PRKN: variants seen among roughly 807,000 people sequenced by gnomAD.
The protein encoded by PRKN is parkin RBR E3 ubiquitin protein ligase, also known as E3 ubiquitin-protein ligase parkin.
Under a neutral mutation model 59.5 loss-of-function variants are expected in PRKN, and 56 were observed. The observed-to-expected ratio is 0.94, with a 90% confidence interval of 0.76 to 1.18. The LOEUF is 1.18. Among genes scored for constraint, PRKN ranks in the 50% most tolerant of loss-of-function variants. The pLI is 0.00. For synonymous variants in PRKN, 250 were observed against 222.1 expected, an observed-to-expected ratio of 1.13 and a Z score of -1.12; for missense variants, 657 against 596.4, an observed-to-expected ratio of 1.10 and a Z score of -1.06.
intron 4 of PRKN, among the ~76,000 whole-genome samples, chr6:162,064,472 T>G (rs1230921046): frequency 1.3e-5 from 2 of 152,194 alleles, no homozygotes; most frequent in African/African-American, 4.8e-5. Flanking sequence ...TTGGAAACAA[T>G]AGTCTGTGAT....
intron 1 of PRKN, among the ~76,000 whole-genome samples, chr6:162,551,145 C>T (rs752511481): frequency 3.9e-5 from 6 of 152,170 alleles, no homozygotes; most frequent in Non-Finnish European, 8.8e-5. Flanking sequence ...CACATACAAA[C>T]GAGATTCTAT....
At chr6:162,104,645 G>C (rs530394123) in intron 4 of PRKN, among the ~76,000 whole-genome samples, 1 of 152,262 alleles carries the variant, frequency 6.6e-6, no homozygotes, top group East Asian at 1.9e-4. Flanking sequence ...CAGCAGGCCA[G>C]GCGTGGACTC....
chr6:162,506,058 T>G (rs1170073820), intron 1 of PRKN, among the ~76,000 whole-genome samples: 1 of 152,050 alleles, frequency 6.6e-6, no homozygotes, highest in Non-Finnish European at 1.5e-5. Flanking sequence ...CTCCATTTGG[T>G]GCTGGGAGTG....
chr6:162,553,179 G>A (rs973332770), intron 1 of PRKN, among the ~76,000 whole-genome samples: 1 of 152,062 alleles, frequency 6.6e-6, no homozygotes, highest in Non-Finnish European at 1.5e-5. Context: ...GGAGAGAGGG[G>A]ACCAGCCAAA....
rs1256470516 is a variant in PRKN, at chr6:161,428,569, C to T, written c.1084-41692G>A. 2.6e-5 allele frequency among the ~76,000 whole-genome samples: 4 copies of T among 152,226 alleles called. No individual in the cohort carries two copies. Among genetic ancestry groups the T allele is most frequent in the African/African-American group, 9.6e-5 (4 of 41,454 alleles). On this transcript the variant is annotated intron_variant, in intron 9 of 11. Coordinates refer to ENST00000366898, the MANE Select transcript of PRKN (RefSeq NM_004562.3). The surrounding 1 kb of genome is among the most constrained non-coding windows in gnomAD (Gnocchi z 4.0). ...CATCTCTAAGTGTGTGGCATTGTGGCTGCCTTTGATTGTTTGGCGGTTTGC... is the reference window on the plus strand; with the variant it reads ...CATCTCTAAGTGTGTGGCATTGTGGTTGCCTTTGATTGTTTGGCGGTTTGC...
intron 3 of PRKN, among the ~76,000 whole-genome samples, chr6:162,243,735 A>T (rs1336559490): frequency 1.3e-5 from 2 of 152,184 alleles, no homozygotes; most frequent in African/African-American, 4.8e-5. Flanking sequence ...ACTAGCATCA[A>T]ATCCCACATC....
chr6:162,253,656 C>T (rs758332117), intron 3 of PRKN, among the ~76,000 whole-genome samples: 4 of 152,090 alleles, frequency 2.6e-5, no homozygotes, highest in Non-Finnish European at 5.9e-5. Context: ...GTCCACCTTT[C>T]CCCAAGATTG....
chr6:161,755,230 A>T lies in PRKN; in HGVS notation c.871+30542T>A, dbSNP rs114597907. Among the ~76,000 whole-genome samples, 516 of 152,150 alleles carry T rather than the reference A, an allele frequency of 3.4e-3. 6 individuals carry two copies. Among genetic ancestry groups the T allele is most frequent in the African/African-American group, 0.012 (490 of 41,524 alleles). On this transcript the variant is annotated intron_variant, in intron 7 of 11. Coordinates refer to ENST00000366898, the MANE Select transcript of PRKN (RefSeq NM_004562.3). ...GAGGTGCATGACAGAAAGCGTTTTG[A>T]TTCTTTTTATCATCCATACTCTCTG...
At chr6:162,100,150 A>T (rs1779907979) in intron 4 of PRKN, among the ~76,000 whole-genome samples, 1 of 152,222 alleles carries the variant, frequency 6.6e-6, no homozygotes, top group Non-Finnish European at 1.5e-5. Context: ...GTTTATAAAT[A>T]TAACACATTT....
intron 4 of PRKN, among the ~76,000 whole-genome samples, chr6:162,088,441 C>A (rs1166885710): frequency 6.6e-6 from 1 of 152,090 alleles, no homozygotes; most frequent in Non-Finnish European, 1.5e-5. Flanking sequence ...TTCTAAGCTA[C>A]TTGTTATATC....
chr6:162,454,803 C>A (rs79815540), intron 1 of PRKN, among the ~76,000 whole-genome samples: 4 of 152,234 alleles, frequency 2.6e-5, no homozygotes, highest in African/African-American at 9.6e-5. Flanking sequence ...ATCTCCCCCA[C>A]GGTGGCTCTG....
In PRKN at chr6:161,719,174, C is replaced by T. The variant is rs554633671; in HGVS notation, c.871+66598G>A. ...GTACGGATTGCCAACATTCTCGAGT[C>T]TCTCCTTCCAGAGATTTCCCTGTTG... On this transcript the variant is annotated intron_variant, in intron 7 of 11. Transcript: ENST00000366898. 7.2e-5 allele frequency among the ~76,000 whole-genome samples: 11 copies of T among 151,936 alleles called. No individual in the cohort carries two copies. In the South Asian group the frequency reaches 2.3e-3, roughly 32 times the overall value.
At chr6:162,719,456 ATCTG>A (rs1225890870) in intron 1 of PRKN, among the ~76,000 whole-genome samples, 1 of 152,110 alleles carries the variant, frequency 6.6e-6, no homozygotes, top group Non-Finnish European at 1.5e-5. Context: ...TTATTCTTAA[ATCTG>A]TCTAATTCTC....
chr6:162,154,108 A>G (rs192801633), intron 4 of PRKN, among the ~76,000 whole-genome samples: 20 of 152,186 alleles, frequency 1.3e-4, no homozygotes, highest in East Asian at 9.7e-4. Flanking sequence ...CATTCTAACT[A>G]TATGGCCATG....
At chr6:161,797,976 T>C (rs1183657661) in intron 6 of PRKN, among the ~76,000 whole-genome samples, 2 of 152,030 alleles carry the variant, frequency 1.3e-5, no homozygotes, top group African/African-American at 4.8e-5. Context: ...CCGAGGTGGG[T>C]GGATCACCAG....
chr6:162,657,455 T>G (rs55798877), intron 1 of PRKN, among the ~76,000 whole-genome samples: 21,882 of 152,024 alleles, frequency 0.14, 2,292 homozygotes, highest in African/African-American at 0.29. Context: ...ATATGTGTTT[T>G]ATTACATTCA....
rs535489121 is a variant in PRKN, at chr6:161,757,884, T to C, written c.871+27888A>G. Among the ~76,000 whole-genome samples the C allele has an allele frequency of 4.8e-3, 473 of 97,838 alleles. 28 individuals are homozygous for C. The highest frequency in any genetic ancestry group is 0.021 in the African/African-American group (449 of 21,448). The allele number at this position is 97,838 out of a possible 152,430, so 64.2% of individuals were successfully genotyped here. A position where few individuals can be genotyped will look rare whatever the true frequency, so the allele number is the denominator to read the frequency against. On this transcript the variant is annotated intron_variant, in intron 7 of 11. Coordinates refer to ENST00000366898, the MANE Select transcript of PRKN (RefSeq NM_004562.3). ...CTCTCTCTCTCTCTGTGTATATATA[T>C]ATACACACACACACACACACACACA...
chr6:161,856,186 C>A (rs1481488537), intron 6 of PRKN, among the ~76,000 whole-genome samples: 3 of 151,960 alleles, frequency 2.0e-5, no homozygotes, highest in Non-Finnish European at 4.4e-5. Flanking sequence ...ACGGTGAAAC[C>A]CAGTCTCTAC....
At chr6:161,700,562 T>C (rs1228798940) in intron 7 of PRKN, among the ~76,000 whole-genome samples, 1 of 152,132 alleles carries the variant, frequency 6.6e-6, no homozygotes, top group Non-Finnish European at 1.5e-5. Context: ...GGCTACAACT[T>C]CCCCATTTCC....
Sources: gnomAD v4.1 joint callset for allele counts (sites outside exome capture counted in the v4.1 genomes callset) on GRCh38, gnomAD v4.1.1 for gene constraint, Gnocchi (gnomAD v3.1) non-coding constraint, MANE v1.5 for transcripts, NCBI Gene and HGNC (gene_info 2026-07-23, HGNC 2026-07-21) for gene names.